The following CACNA2D4 variants were observed in gnomAD, a reference collection of about 807,000 sequenced individuals.
CACNA2D4 encodes the protein voltage-dependent calcium channel subunit alpha-2/delta-4.
A neutral mutation model predicts 163.8 loss-of-function variants in CACNA2D4; 157 were observed. The ratio of observed to expected loss-of-function variants is 0.96; its 90% confidence interval spans 0.84 to 1.09. The LOEUF is 1.09. Ranked by LOEUF, CACNA2D4 falls within the 50% of genes least tolerant of loss-of-function variation. CACNA2D4 has a pLI of 0.00. For missense variants in CACNA2D4, 1,410 were observed against 1,479.9 expected, an observed-to-expected ratio of 0.95 and a Z score of 0.78; for synonymous variants, 598 against 586.9, an observed-to-expected ratio of 1.02 and a Z score of -0.27.
intron 2 of CACNA2D4, 75 bp downstream of exon 2, chr12:1,914,779 G>C (rs1866922424): frequency 2.1e-6 from 2 of 972,020 alleles, no homozygotes; most frequent in Non-Finnish European, 3.3e-6. Context: ...GCCCCTCACA[G>C]CACCGGCATT....
chr12:1,870,114 T>C (rs1865739197), intron 18 of CACNA2D4, among the ~76,000 whole-genome samples: 1 of 152,086 alleles, frequency 6.6e-6, no homozygotes, highest in Non-Finnish European at 1.5e-5. Flanking sequence ...TAAGGTGTAG[T>C]TCTTCTGTGC....
intron 23 of CACNA2D4, among the ~76,000 whole-genome samples, chr12:1,851,879 T>C (rs1010317412): frequency 1.3e-5 from 2 of 152,160 alleles, no homozygotes; most frequent in Admixed American, 6.5e-5. Flanking sequence ...TTCCAGCCTC[T>C]ACTTTTGTGT....
At chr12:1,793,784 A>G in intron 37 of CACNA2D4, 25 bp from the exon 38 acceptor site, 2 of 1,596,486 alleles carry the variant, frequency 1.3e-6, no homozygotes, top group South Asian at 1.1e-5. Context: ...CAGAGGTGAC[A>G]GCGCGGCGCT....
chr12:1,887,537 A>G (rs1356476474), intron 6 of CACNA2D4, among the ~76,000 whole-genome samples: 1 of 152,178 alleles, frequency 6.6e-6, no homozygotes, highest in Non-Finnish European at 1.5e-5. Context: ...TGGCTCTATG[A>G]CTGTAGGCTC....
At position 1,858,633 on chromosome 12, in the gene CACNA2D4, A is replaced by AC; in HGVS notation, c.1951dup (p.Val651GlyfsTer23). ...GTATTCTCCGTGGCCCCGGGACAGC[A>AC]CCACCCCCAAACTGTGGGGAGAGAA... is the stretch of plus-strand genomic sequence containing the variant. On this transcript the variant is annotated frameshift_variant, in exon 20 of 38. Transcript: ENST00000382722. LOFTEE classifies it high-confidence loss of function. The AC allele has an allele frequency of 6.2e-7, 1 of 1,606,480 alleles. No individual in the cohort carries two copies. Among genetic ancestry groups the AC allele is most frequent in the African/African-American group, 1.3e-5 (1 of 74,868 alleles).
At chr12:1,818,587 G>C (rs1176140389) in intron 26 of CACNA2D4, among the ~76,000 whole-genome samples, 1 of 151,244 alleles carries the variant, frequency 6.6e-6, no homozygotes, top group African/African-American at 2.5e-5. Context: ...CTCGTTAAAA[G>C]TCATCACCAC....
At chr12:1,854,144 C>T (rs560238424) in intron 22 of CACNA2D4, 100 bp from the exon 23 acceptor site, 20 of 834,302 alleles carry the variant, frequency 2.4e-5, no homozygotes, top group African/African-American at 2.2e-4. Flanking sequence ...GCTTCCTGAA[C>T]GTGTCTATGG....
intron 13 of CACNA2D4, among the ~76,000 whole-genome samples, chr12:1,881,429 C>G (rs572171013): frequency 1.1e-4 from 16 of 152,234 alleles, no homozygotes; most frequent in Non-Finnish European, 2.2e-4. Flanking sequence ...CTTCTCTCAT[C>G]GGATTTCATG....
At chr12:1,860,951 G>C (rs776562729) in intron 18 of CACNA2D4, among the ~76,000 whole-genome samples, 8 of 152,156 alleles carry the variant, frequency 5.3e-5, no homozygotes, top group Non-Finnish European at 1.2e-4. Flanking sequence ...ACTTCACTTC[G>C]AGTTCTCATT....
At chr12:1,860,117 C>G (rs370297224) in intron 19 of CACNA2D4, 28 bp downstream of exon 19, 1 of 1,586,816 alleles carries the variant, frequency 6.3e-7, no homozygotes, top group Non-Finnish European at 8.7e-7. Flanking sequence ...AACCCTCACC[C>G]CGTGCAAATA....
chr12:1,889,262 A>G (rs1439439271), intron 6 of CACNA2D4, among the ~76,000 whole-genome samples: 2 of 152,246 alleles, frequency 1.3e-5, no homozygotes, highest in Non-Finnish European at 2.9e-5. Flanking sequence ...ATGATATGGG[A>G]AAAACATCCT....
intron 26 of CACNA2D4, among the ~76,000 whole-genome samples, chr12:1,826,410 C>CA (rs1555177895): frequency 1.3e-5 from 1 of 79,246 alleles, no homozygotes; most frequent in Admixed American, 1.2e-4. Flanking sequence ...GCCCCCCCCC[C>CA]CCCCCCGCCA....
Position 1,834,381 on chromosome 12 carries a change from G to A in CACNA2D4, c.2551+6358C>T. The A allele has an allele frequency of 6.2e-7, 1 of 1,613,202 alleles. No individual in the cohort carries two copies. The highest frequency in any genetic ancestry group is 8.5e-7 in the Non-Finnish European group (1 of 1,180,018). The stretch of plus-strand genomic sequence containing the variant: ...TGCTCCCAGCTGGAGGACGAGAATA[G>A]CTCAGCTGGGCTGGATATTCCTGGG... On this transcript the variant is annotated intron_variant, in intron 26 of 37. Coordinates refer to ENST00000382722, the MANE Select transcript of CACNA2D4 (RefSeq NM_172364.5). The surrounding 1 kb of genome is among the most constrained non-coding windows in gnomAD (Gnocchi z 7.6).
At chr12:1,826,636 G>A (rs1673099005) in intron 26 of CACNA2D4, among the ~76,000 whole-genome samples, 1 of 152,324 alleles carries the variant, frequency 6.6e-6, no homozygotes, top group Middle Eastern at 3.4e-3. Context: ...TGGCACCCTC[G>A]CTGCGTGGGG....
At chr12:1,918,043 A>C (rs1269300637) in intron 1 of CACNA2D4, 1 of 549,358 alleles carries the variant, frequency 1.8e-6, no homozygotes, top group African/African-American at 1.9e-5. Flanking sequence ...GGACTCCAGA[A>C]CTCACAGAGC....
chr12:1,860,445 C>T (rs990841258), intron 18 of CACNA2D4, among the ~76,000 whole-genome samples: 1 of 152,260 alleles, frequency 6.6e-6, no homozygotes, highest in Non-Finnish European at 1.5e-5. Flanking sequence ...AAGGTCTGGA[C>T]CTGCACTGCC....
Position 1,810,558 on chromosome 12 carries a change from C to T in CACNA2D4, c.2643G>A (p.Gln881=). ...CAGAACTTACACTGTCCTCGCAGCT[C>T]TGTGTGCACGGCCCATCCACAGTGC... ...QCSTVDGPCT[Q]SCEDSDLDCF... Residue 881 remains glutamine (Q), a synonymous_variant, in exon 28 of 38, where the codon CAG becomes CAA. Transcript: ENST00000382722. The T allele has an allele frequency of 6.4e-7, 1 of 1,553,742 alleles. No homozygotes were observed. Among genetic ancestry groups the T allele is most frequent in the Non-Finnish European group, 8.7e-7 (1 of 1,148,086 alleles).
chr12:1,838,746 C>T (rs1185086417), intron 26 of CACNA2D4, among the ~76,000 whole-genome samples: 1 of 152,192 alleles, frequency 6.6e-6, no homozygotes, highest in Non-Finnish European at 1.5e-5. Flanking sequence ...GACCCCCTGT[C>T]CCATCCTTCC....
At position 1,797,402 on chromosome 12, in the gene CACNA2D4, C is replaced by T. The variant is rs898269430; in HGVS notation, c.3113+16G>A. ...AGGAGTGTGGCGGGACGGGCGGCGCCGCCCTGCGGTCTTACTTCTGGCAGG... is the reference window on the plus strand; with the variant it reads ...AGGAGTGTGGCGGGACGGGCGGCGCTGCCCTGCGGTCTTACTTCTGGCAGG... On this transcript the variant is annotated intron_variant, in intron 35 of 37. Transcript: ENST00000382722. 3 of 1,510,806 alleles carry T rather than the reference C, an allele frequency of 2.0e-6. No individual in the cohort carries two copies. The highest frequency in any genetic ancestry group is 1.8e-6 in the Non-Finnish European group (2 of 1,123,942). 93.6% of individuals were successfully genotyped at this position (1,510,806 alleles called of 1,614,324 possible). A position where few individuals can be genotyped will look rare whatever the true frequency, so the allele number is the denominator to read the frequency against.
Sources: allele counts gnomAD v4.1 joint callset (sites outside exome capture counted in the v4.1 genomes callset), GRCh38; gene constraint gnomAD v4.1.1; non-coding constraint Gnocchi (gnomAD v3.1); transcripts MANE v1.5; gene names NCBI Gene and HGNC (gene_info 2026-07-23, HGNC 2026-07-21).